Variants in SLC6A11 observed in about 807,000 individuals in gnomAD.
SLC6A11 encodes the protein solute carrier family 6 member 11, also known as sodium- and chloride-dependent GABA transporter 3.
In SLC6A11, 25 loss-of-function variants were observed where a neutral mutation model predicts 74.8. The ratio of observed to expected loss-of-function variants is 0.33; its 90% CI spans 0.24 to 0.47. The LOEUF is 0.47. SLC6A11 is among the 20% of genes least tolerant of loss of function. The pLI, the probability that SLC6A11 is intolerant of heterozygous loss-of-function variation, is 1.00. For synonymous variants in SLC6A11, 330 were observed against 330.2 expected (o/e 1.00, Z 0.01); for missense variants, 574 against 837.0 (o/e 0.69, Z 3.88).
At chr3:10,819,676 T>G in intron 2 of SLC6A11, 36 bp from the exon 3 acceptor site, 1 of 1,611,372 alleles carries the variant, frequency 6.2e-7, no homozygotes, top group Non-Finnish European at 8.5e-7. Flanking sequence ...TTTGAAAAGA[T>G]AGACTCAAAT....
chr3:10,912,779 G>A lies in SLC6A11; in HGVS notation c.995+586G>A, dbSNP rs142706157. Among the ~76,000 whole-genome samples the A allele has an allele frequency of 9.5e-4, 144 of 152,294 alleles. 1 individual carries two copies. The highest frequency in any genetic ancestry group is 3.2e-3 in the African/African-American group (133 of 41,546). On this transcript the variant is annotated intron_variant, in intron 7 of 13. Coordinates refer to ENST00000254488, the MANE Select transcript of SLC6A11 (RefSeq NM_014229.3). Reference sequence around the variant, plus strand: ...TTGAGTTCTACAGCAAGGCTGAGTCGTGGAGGGCAGGGGACCTGCCCAAGG... The same window carrying A: ...TTGAGTTCTACAGCAAGGCTGAGTCATGGAGGGCAGGGGACCTGCCCAAGG...
At chr3:10,923,496 G>A (rs1559584704) in intron 8 of SLC6A11, among the ~76,000 whole-genome samples, 1 of 151,988 alleles carries the variant, frequency 6.6e-6, no homozygotes, top group Non-Finnish European at 1.5e-5. Context: ...AAACTACTCA[G>A]GAGTCCACAT....
intron 5 of SLC6A11, among the ~76,000 whole-genome samples, chr3:10,858,152 G>A (rs906951358): frequency 6.6e-6 from 1 of 152,210 alleles, no homozygotes; most frequent in African/African-American, 2.4e-5. Context: ...ACATTCCACG[G>A]ACAGTACAGC....
rs898566758 is a variant in SLC6A11 at position 10,926,830 on chromosome 3, A to G, written c.1233+714A>G. 1.3e-5 allele frequency among the ~76,000 whole-genome samples: 2 copies of G among 151,966 alleles called. No individual in the cohort carries two copies. Among genetic ancestry groups the G allele is most frequent in the African/African-American group, 4.8e-5 (2 of 41,352 alleles). ...AGGTCCCCGGCCTCTTTCCCAGACC[A>G]TTCCCCCAACAGTCCCTGAAACCCA... On this transcript the variant is annotated intron_variant, in intron 9 of 13. Transcript: ENST00000254488. The surrounding 1 kb of genome is among the most constrained non-coding windows in gnomAD (Gnocchi z 5.7).
intron 5 of SLC6A11, among the ~76,000 whole-genome samples, chr3:10,846,893 C>T (rs1694512119): frequency 6.6e-6 from 1 of 152,180 alleles, no homozygotes; most frequent in African/African-American, 2.4e-5. Flanking sequence ...CTTGCCTCTC[C>T]CTGGACTCTC....
In SLC6A11 at chr3:10,818,069, T is replaced by TTTC. The variant is rs1491215946; in HGVS notation, c.257-1394_257-1393insCTT. The stretch of plus-strand genomic sequence containing the variant: ...GGTTAATTACAAATTCTGTCACAGA[T>TTTC]TTTTTTTTTTTTTTTTAAAAAAAAA... On this transcript the variant is annotated intron_variant, in intron 1 of 13. Transcript: ENST00000254488. Among the ~76,000 whole-genome samples, 16 of 83,866 alleles carry TTTC rather than the reference T, an allele frequency of 1.9e-4. No individual in the cohort carries two copies. The East Asian group carries it at 7.8e-3, about 41-fold the overall frequency. 55.0% of individuals were successfully genotyped at this position (83,866 alleles called of 152,430 possible).
intron 13 of SLC6A11, among the ~76,000 whole-genome samples, chr3:10,937,253 C>G (rs1347685294): frequency 6.6e-6 from 1 of 152,142 alleles, no homozygotes; most frequent in Non-Finnish European, 1.5e-5. Flanking sequence ...AAGCTTCTTG[C>G]CCTTGTTAAA....
chr3:10,869,214 G>C (rs1482923758), intron 5 of SLC6A11, among the ~76,000 whole-genome samples: 1 of 152,196 alleles, frequency 6.6e-6, no homozygotes, highest in East Asian at 1.9e-4. Flanking sequence ...ATGGAGAGCA[G>C]CTTTAGGTGC....
chr3:10,828,370 C>T (rs1694244983), intron 4 of SLC6A11, among the ~76,000 whole-genome samples: 1 of 152,266 alleles, frequency 6.6e-6, no homozygotes, highest in Non-Finnish European at 1.5e-5. Flanking sequence ...CCTTGTTTTT[C>T]TGGTTTATCT....
chr3:10,857,831 T>C (rs529655847), intron 5 of SLC6A11, among the ~76,000 whole-genome samples: 1 of 152,154 alleles, frequency 6.6e-6, no homozygotes, highest in African/African-American at 2.4e-5. Context: ...AAAATTGATA[T>C]GATGCCCTAG....
chr3:10,888,197 G>A (rs923821887), intron 6 of SLC6A11, among the ~76,000 whole-genome samples: 6 of 152,224 alleles, frequency 3.9e-5, no homozygotes, highest in East Asian at 1.9e-4. Flanking sequence ...TTCATCTCTC[G>A]TAAGCTTCTA....
At chr3:10,836,540 A>C (rs1694369562) in intron 4 of SLC6A11, among the ~76,000 whole-genome samples, 1 of 152,250 alleles carries the variant, frequency 6.6e-6, no homozygotes, top group African/African-American at 2.4e-5. Flanking sequence ...GATTATAGCT[A>C]TCCTAGTAGG....
intron 5 of SLC6A11, among the ~76,000 whole-genome samples, chr3:10,864,295 C>T (rs753464355): frequency 4.6e-5 from 7 of 151,468 alleles, no homozygotes; most frequent in South Asian, 2.1e-4. Flanking sequence ...ACCCCAGCCC[C>T]GATGATGCCT....
At chr3:10,864,721 C>T (rs900571169) in intron 5 of SLC6A11, among the ~76,000 whole-genome samples, 35 of 152,172 alleles carry the variant, frequency 2.3e-4, no homozygotes, top group African/African-American at 7.7e-4. Flanking sequence ...GCCCATCAGC[C>T]GCCACAGTTA....
intron 4 of SLC6A11, among the ~76,000 whole-genome samples, chr3:10,843,272 C>T (rs956446305): frequency 3.9e-5 from 6 of 152,184 alleles, no homozygotes; most frequent in African/African-American, 1.4e-4. Context: ...GGAGTCCTCC[C>T]TGTCCTGTGG....
intron 6 of SLC6A11, among the ~76,000 whole-genome samples, chr3:10,888,932 A>G (rs1014699938): frequency 4.6e-5 from 7 of 152,176 alleles, no homozygotes; most frequent in Non-Finnish European, 7.3e-5. Flanking sequence ...TTCTTGCTAG[A>G]TATTTCCTGG....
intron 4 of SLC6A11, among the ~76,000 whole-genome samples, chr3:10,826,132 T>G (rs942392553): frequency 5.3e-5 from 8 of 152,266 alleles, no homozygotes; most frequent in Admixed American, 5.2e-4. Flanking sequence ...ATTGAACCTG[T>G]CTATGGACAT....
Position 10,909,173 on chromosome 3 carries a change from A to G in SLC6A11, c.892-2917A>G, listed in dbSNP as rs1043719422. 4.0e-5 allele frequency among the ~76,000 whole-genome samples: 6 copies of G among 151,624 alleles called. No homozygotes were observed. The East Asian group carries it at 1.2e-3, about 29-fold the overall frequency. ...TGCATCATATGCTCATCCATGAACC[A>G]GTCACTGTAGCCAAGAAAAATCCTT... is the stretch of plus-strand genomic sequence containing the variant. On this transcript the variant is annotated intron_variant, in intron 6 of 13. Transcript: ENST00000254488.
chr3:10,831,602 C>CGG (rs911350906), intron 4 of SLC6A11, among the ~76,000 whole-genome samples: 39 of 152,070 alleles, frequency 2.6e-4, no homozygotes, highest in African/African-American at 8.7e-4. Flanking sequence ...GAGTGGGACT[C>CGG]GGGGGTAAGT....
Sources: gnomAD v4.1 joint callset for allele counts (sites outside exome capture counted in the v4.1 genomes callset) on GRCh38, gnomAD v4.1.1 for gene constraint, Gnocchi (gnomAD v3.1) non-coding constraint, MANE v1.5 for transcripts, NCBI Gene and HGNC (gene_info 2026-07-23, HGNC 2026-07-21) for gene names.